The following CRTAP variants were observed in gnomAD, a reference collection of about 807,000 sequenced individuals.
The protein encoded by CRTAP is cartilage associated protein.
CRTAP carries 33 observed loss-of-function variants against 42.7 expected under a neutral mutation model. The ratio of observed to expected loss-of-function variants is 0.77; its 90% CI spans 0.59 to 1.03. The LOEUF is 1.03. Ranked by LOEUF, CRTAP falls within the 50% of genes least tolerant of loss-of-function variation. CRTAP has a pLI of 0.00. For synonymous variants in CRTAP, 243 were observed against 217.7 expected (o/e 1.12, Z -1.02); for missense variants, 613 against 533.9 (o/e 1.15, Z -1.46).
intron 1 of CRTAP, among the ~76,000 whole-genome samples, chr3:33,119,930 A>G (rs193012669): frequency 3.3e-5 from 5 of 152,334 alleles, no homozygotes; most frequent in Admixed American, 3.3e-4. Context: ...TAAGGGACAT[A>G]GCAGCCCAAG....
At chr3:33,133,350 C>T (rs1467566176) in intron 5 of CRTAP, among the ~76,000 whole-genome samples, 2 of 151,356 alleles carry the variant, frequency 1.3e-5, no homozygotes, top group African/African-American at 2.4e-5. Flanking sequence ...CCTCTGCCTC[C>T]TGGGTTCAAG....
At chr3:33,116,294 CCCTT>C (rs1026576999) in intron 1 of CRTAP, among the ~76,000 whole-genome samples, 5 of 152,316 alleles carry the variant, frequency 3.3e-5, no homozygotes, top group African/African-American at 9.6e-5. Flanking sequence ...CTCTTCAAAA[CCCTT>C]TACAGGTCTT....
chr3:33,144,010 G>T lies in CRTAP; in HGVS notation c.*1562G>T, dbSNP rs561365493. 1 of 152,206 alleles carries T rather than the reference G, an allele frequency of 6.6e-6. No individual in the cohort carries two copies. The highest frequency in any genetic ancestry group is 6.5e-5 in the Admixed American group (1 of 15,282). The allele number at this position is 152,206 out of a possible 1,614,324, so 9.4% of individuals were successfully genotyped here. A position where few individuals can be genotyped will look rare whatever the true frequency, so the allele number is the denominator to read the frequency against. On this transcript the variant is annotated 3_prime_UTR_variant, in exon 7 of 7. Transcript: ENST00000320954. ...GAGTGCCTTGATTGATTTATATTTTGCAAGGGTCATTCTAGCTGCCATATT... is the reference window on the plus strand; with the variant it reads ...GAGTGCCTTGATTGATTTATATTTTTCAAGGGTCATTCTAGCTGCCATATT...
At chr3:33,122,709 CAAA>C (rs58820155) in intron 2 of CRTAP, among the ~76,000 whole-genome samples, 50,859 of 86,504 alleles carry the variant, frequency 0.59, 12,570 homozygotes, top group Middle Eastern at 0.68. Flanking sequence ...GACTCTGTCT[CAAA>C]AAAAAAAAAA....
In CRTAP at chr3:33,123,454, G is replaced by A. The variant is rs1029144561; in HGVS notation, c.622-954G>A. Among the ~76,000 whole-genome samples, 4 of 76,628 alleles carry A rather than the reference G, an allele frequency of 5.2e-5. No individual in the cohort carries two copies. In the East Asian group the frequency reaches 7.8e-4, roughly 15 times the overall value. 50.3% of individuals were successfully genotyped at this position (76,628 alleles called of 152,430 possible). A position where few individuals can be genotyped will look rare whatever the true frequency, so the allele number is the denominator to read the frequency against. Reference sequence around the variant, plus strand: ...GTTTAAAAGTGTGTAACACCTCCCCGCTCTCTTCCTTCTTCTCTGGCCATG... The same window carrying A: ...GTTTAAAAGTGTGTAACACCTCCCCACTCTCTTCCTTCTTCTCTGGCCATG... On this transcript the variant is annotated intron_variant, in intron 2 of 6. Coordinates refer to ENST00000320954, the MANE Select transcript of CRTAP (RefSeq NM_006371.5).
Position 33,129,648 on chromosome 3 carries a change from C to T in CRTAP, c.794-291C>T, listed in dbSNP as rs149706640. 0.027 allele frequency among the ~76,000 whole-genome samples: 4,023 copies of T among 147,032 alleles called. 152 individuals are homozygous for T. The highest frequency in any genetic ancestry group is 0.091 in the African/African-American group (3,677 of 40,202). ...CACCTTCCGGGTTCACGCCATTCTT[C>T]TGCCTCAGCCTCCTGAGTAGCTGGG... On this transcript the variant is annotated intron_variant, in intron 3 of 6. Transcript: ENST00000320954.
At chr3:33,124,945 G>A (rs2030017676) in intron 3 of CRTAP, among the ~76,000 whole-genome samples, 1 of 152,260 alleles carries the variant, frequency 6.6e-6, no homozygotes, top group South Asian at 2.1e-4. Context: ...ACATATAAAG[G>A]TAGAATGAAC....
chr3:33,136,277 C>A (rs1447813418), intron 6 of CRTAP, among the ~76,000 whole-genome samples: 19 of 152,178 alleles, frequency 1.2e-4, no homozygotes, highest in Non-Finnish European at 8.8e-5. Flanking sequence ...GGATGTACCG[C>A]ATTCTGTTTA....
intron 3 of CRTAP, 114 bp downstream of exon 3, chr3:33,124,693 C>A: frequency 7.9e-7 from 1 of 1,261,160 alleles, no homozygotes; most frequent in Non-Finnish European, 1.2e-6. Context: ...AATTTTTGAG[C>A]ATACTTATTA....
intron 1 of CRTAP, among the ~76,000 whole-genome samples, chr3:33,117,566 C>A (rs1701357677): frequency 6.6e-6 from 1 of 152,238 alleles, no homozygotes; most frequent in Admixed American, 6.5e-5. Flanking sequence ...TTCATCAAAT[C>A]CTTAATGACT....
In CRTAP at chr3:33,134,269, A is replaced by G; in HGVS notation, c.1152+4A>G. 6.4e-7 allele frequency: 1 copy of G among 1,568,168 alleles called. No homozygotes were observed. Among genetic ancestry groups the G allele is most frequent in the Non-Finnish European group, 8.8e-7 (1 of 1,138,062 alleles). ...AAATATAATGGATGATGATGAGGTA[A>G]GTTTTCATGCTTAGCACATGTCTGG... On this transcript the variant is annotated splice_donor_region_variant and intron_variant, in intron 6 of 6. Transcript: ENST00000320954.
rs1351582407 is a variant in CRTAP at position 33,147,285 on chromosome 3, G to A, written c.*4837G>A. ...ACATCTCCCTGAAAGAGGACACCAT[G>A]ACAGCCCGGCTTTGCCTTGACTGAC... is the stretch of plus-strand genomic sequence containing the variant. On this transcript the variant is annotated 3_prime_UTR_variant, in exon 7 of 7. Coordinates refer to ENST00000320954, the MANE Select transcript of CRTAP (RefSeq NM_006371.5). 1.3e-5 allele frequency: 2 copies of A among 152,790 alleles called. No homozygotes were observed. Among genetic ancestry groups the A allele is most frequent in the Non-Finnish European group, 2.9e-5 (2 of 68,132 alleles). The allele number at this position is 152,790 out of a possible 1,614,324, so 9.5% of individuals were successfully genotyped here. A position where few individuals can be genotyped will look rare whatever the true frequency, so the allele number is the denominator to read the frequency against.
intron 6 of CRTAP, among the ~76,000 whole-genome samples, chr3:33,137,399 C>T (rs969472974): frequency 2.0e-5 from 3 of 152,322 alleles, no homozygotes; most frequent in Middle Eastern, 6.8e-3. Flanking sequence ...CCTCAGCCTC[C>T]CAAAATGCTG....
At chr3:33,121,662 G>C (rs571250558) in intron 2 of CRTAP, among the ~76,000 whole-genome samples, 1 of 152,180 alleles carries the variant, frequency 6.6e-6, no homozygotes, top group Admixed American at 6.5e-5. Flanking sequence ...CCAGTGTGGG[G>C]AGAGGGACAG....
Position 33,114,077 on chromosome 3 carries a change from G to T in CRTAP, c.-1G>T, listed in dbSNP as rs1411023281. 11 of 1,458,210 alleles carry T rather than the reference G, an allele frequency of 7.5e-6. No homozygotes were observed. The Admixed American group carries it at 2.3e-4, about 31-fold the overall frequency. The allele number at this position is 1,458,210 out of a possible 1,614,324, so 90.3% of individuals were successfully genotyped here. A position where few individuals can be genotyped will look rare whatever the true frequency, so the allele number is the denominator to read the frequency against. On this transcript the variant is annotated 5_prime_UTR_variant, in exon 1 of 7. Transcript: ENST00000320954. ...TTCCTTCCTTCCTTTCGCCGGGCGC[G>T]ATGGAGCCGGGGCGCCGGGGGGCCG...
Position 33,114,062 on chromosome 3 carries a change from C to G in CRTAP, c.-16C>G. The stretch of plus-strand genomic sequence containing the variant: ...CCCTTCCTTCGTCCCTTCCTTCCTT[C>G]CTTTCGCCGGGCGCGATGGAGCCGG... On this transcript the variant is annotated 5_prime_UTR_variant, in exon 1 of 7. Coordinates refer to ENST00000320954, the MANE Select transcript of CRTAP (RefSeq NM_006371.5). The G allele has an allele frequency of 6.9e-7, 1 of 1,455,102 alleles. No individual in the cohort carries two copies. Among genetic ancestry groups the G allele is most frequent in the Non-Finnish European group, 9.0e-7 (1 of 1,108,744 alleles). 90.1% of individuals were successfully genotyped at this position (1,455,102 alleles called of 1,614,324 possible).
intron 3 of CRTAP, 24 bp downstream of exon 3, chr3:33,124,603 A>ACTACTC (rs2030008275): frequency 1.2e-6 from 2 of 1,613,444 alleles, no homozygotes; most frequent in Admixed American, 1.7e-5. Context: ...CAATAGGCTC[A>ACTACTC]CTACTCCCAT....
In CRTAP at chr3:33,114,088, G is replaced by A; in HGVS notation, c.11G>A (p.Gly4Glu). 1 of 1,460,890 alleles carries A rather than the reference G, an allele frequency of 6.8e-7. No homozygotes were observed. 90.5% of individuals were successfully genotyped at this position (1,460,890 alleles called of 1,614,324 possible). A position where few individuals can be genotyped will look rare whatever the true frequency, so the allele number is the denominator to read the frequency against. Reference sequence around the variant, plus strand: ...CTTTCGCCGGGCGCGATGGAGCCGGGGCGCCGGGGGGCCGCGGCGCTGCTA... The same window carrying A: ...CTTTCGCCGGGCGCGATGGAGCCGGAGCGCCGGGGGGCCGCGGCGCTGCTA... MEP[G>E]RRGAAALLAL... The change falls in exon 1 of 7, where the codon GGG (glycine) becomes GAG (glutamate). Residue 4 changes from glycine to glutamate, a missense_variant. Gly to Glu is a moderately conservative substitution (Grantham distance 98). Coordinates refer to ENST00000320954, the MANE Select transcript of CRTAP (RefSeq NM_006371.5).
chr3:33,135,719 AT>A (rs1194088138), intron 6 of CRTAP, among the ~76,000 whole-genome samples: 1 of 151,794 alleles, frequency 6.6e-6, no homozygotes, highest in African/African-American at 2.4e-5. Flanking sequence ...ATATCTTTCC[AT>A]TTTTTTATTA....
Sources: gnomAD v4.1 joint callset for allele counts (sites outside exome capture counted in the v4.1 genomes callset) on GRCh38, gnomAD v4.1.1 for gene constraint, MANE v1.5 for transcripts, NCBI Gene and HGNC (gene_info 2026-07-23, HGNC 2026-07-21) for gene names.